The following RMI1 variants were observed in gnomAD, a reference collection of about 807,000 sequenced individuals.
RMI1 encodes the protein recQ-mediated genome instability protein 1.
A neutral mutation model predicts 46.7 loss-of-function variants in RMI1; 36 were observed. That is an observed-to-expected ratio of 0.77 (90% CI 0.59 to 1.02). The LOEUF (loss-of-function observed/expected upper bound fraction) is 1.02, where lower values mean the gene tolerates loss of function less well. Ranked by LOEUF, RMI1 falls within the 50% of genes least tolerant of loss-of-function variation. The probability of loss-of-function intolerance (pLI) is 0.00; values close to 1 mark genes in which losing one functional copy is unlikely to be tolerated. For missense variants in RMI1, 676 were observed against 713.7 expected, an observed-to-expected ratio of 0.95 and a Z score of 0.60; for synonymous variants, 250 against 252.9, an observed-to-expected ratio of 0.99 and a Z score of 0.11.
intron 1 of RMI1, among the ~76,000 whole-genome samples, chr9:83,994,557 G>A (rs1449463930): frequency 2.0e-5 from 3 of 152,114 alleles, no homozygotes; most frequent in Non-Finnish European, 4.4e-5. Context: ...AGAGAGTATC[G>A]TTTTTCCATT....
chr9:83,997,669 A>G (rs988123059), intron 1 of RMI1, among the ~76,000 whole-genome samples: 11 of 152,178 alleles, frequency 7.2e-5, no homozygotes, highest in African/African-American at 2.6e-4. Flanking sequence ...AGCAGCACTG[A>G]GGGGGAAATC....
At chr9:83,999,203 TAAC>T (rs1249082558) in intron 1 of RMI1, among the ~76,000 whole-genome samples, 14 of 150,158 alleles carry the variant, frequency 9.3e-5, no homozygotes, top group Non-Finnish European at 1.5e-4. Context: ...AAAAATAAAA[TAAC>T]AATAAGTATA....
In RMI1 at chr9:84,003,008, ATGTT is replaced by A; in HGVS notation, c.*149_*152del. ...CAGTTTAATTTTAAAGTGTTTAATC[ATGTT>A]TGTTATATGTGGAGCTTTTGAAAAT... On this transcript the variant is annotated 3_prime_UTR_variant, in exon 3 of 3. Transcript: ENST00000445877. 3 of 552,776 alleles carry A rather than the reference ATGTT, an allele frequency of 5.4e-6. No individual in the cohort carries two copies. Among genetic ancestry groups the A allele is most frequent in the South Asian group, 3.4e-5 (1 of 29,166 alleles). 34.2% of individuals were successfully genotyped at this position (552,776 alleles called of 1,614,324 possible).
intron 1 of RMI1, among the ~76,000 whole-genome samples, chr9:83,992,284 A>G (rs1957586282): frequency 6.6e-6 from 1 of 152,204 alleles, no homozygotes; most frequent in Non-Finnish European, 1.5e-5. Flanking sequence ...CTCATTTAAT[A>G]TATATCATTG....
At chr9:83,993,525 A>T (rs1957603995) in intron 1 of RMI1, among the ~76,000 whole-genome samples, 1 of 152,178 alleles carries the variant, frequency 6.6e-6, no homozygotes, top group Non-Finnish European at 1.5e-5. Flanking sequence ...ATAATGTGGT[A>T]GTTCTAGTTT....
chr9:83,996,201 T>A (rs1957650580), intron 1 of RMI1, among the ~76,000 whole-genome samples: 1 of 152,214 alleles, frequency 6.6e-6, no homozygotes, highest in African/African-American at 2.4e-5. Flanking sequence ...ATTAGGAATT[T>A]GGGTTTTTAC....
rs931255955 is a variant in RMI1, at chr9:84,001,747, A to G, written c.761A>G (p.Asn254Ser). ...DEELLASLDENDELTANNDTS... is the reference protein window; with the variant it reads ...DEELLASLDESDELTANNDTS... ...GAACTCTTGGCAAGTCTTGATGAAAATGATGAGCTTACAGCAAATAATGAC... is the reference window on the plus strand; with the variant it reads ...GAACTCTTGGCAAGTCTTGATGAAAGTGATGAGCTTACAGCAAATAATGAC... The change falls in exon 3 of 3, where the codon AAT becomes AGT. Residue 254 changes from asparagine (N) to serine (S), a missense_variant. Transcript: ENST00000445877. The G allele has an allele frequency of 2.5e-6, 4 of 1,613,894 alleles. No individual in the cohort carries two copies. The African/African-American group carries it at 5.3e-5, about 22-fold the overall frequency.
At chr9:83,989,572 C>G (rs1410517362) in intron 1 of RMI1, among the ~76,000 whole-genome samples, 2 of 149,588 alleles carry the variant, frequency 1.3e-5, no homozygotes, top group Admixed American at 1.4e-4. Flanking sequence ...CCAACAGGTA[C>G]ATGAAAAAAT....
rs1957742071 is a variant in RMI1 at position 84,001,864 on chromosome 9, C to G, written c.878C>G (p.Pro293Arg). The change falls in exon 3 of 3, where the codon CCA (proline) becomes CGA (arginine). Residue 293 changes from proline (P) to arginine (R), a missense_variant. Pro to Arg is a moderately radical substitution (Grantham distance 103). Transcript: ENST00000445877. ...TTTGAGCCAGAATTTGTTATTTCTC[C>G]AAGACCAAAAGAGGAACCATCAAAC... ...SSFEPEFVIS[P>R]RPKEEPSNLS... is the part of the protein sequence containing the mutation. 6.2e-7 allele frequency: 1 copy of G among 1,613,978 alleles called. No homozygotes were observed. The highest frequency in any genetic ancestry group is 8.5e-7 in the Non-Finnish European group (1 of 1,179,958).
At chr9:83,981,983 T>C (rs1957412840) in intron 1 of RMI1, among the ~76,000 whole-genome samples, 1 of 152,244 alleles carries the variant, frequency 6.6e-6, no homozygotes, top group South Asian at 2.1e-4. Context: ...TTGTGGAATT[T>C]ATAAAAGTTC....
At chr9:83,982,386 G>T (rs1433267974) in intron 1 of RMI1, among the ~76,000 whole-genome samples, 2 of 152,068 alleles carry the variant, frequency 1.3e-5, no homozygotes, top group African/African-American at 4.8e-5. Context: ...TCTTCCGGCC[G>T]GGCACGGTGG....
chr9:83,996,022 A>G (rs1218113176), intron 1 of RMI1, among the ~76,000 whole-genome samples: 4 of 151,974 alleles, frequency 2.6e-5, no homozygotes, highest in Non-Finnish European at 5.9e-5. Context: ...TGTAAATTCT[A>G]TTTGCTCTGT....
intron 1 of RMI1, among the ~76,000 whole-genome samples, chr9:83,988,496 GT>G (rs1417183852): frequency 6.6e-6 from 1 of 152,072 alleles, no homozygotes; most frequent in Non-Finnish European, 1.5e-5. Context: ...TAGAGACAGA[GT>G]TTTGCTGTGT....
Position 84,000,940 on chromosome 9 carries a change from T to C in RMI1, c.-36-11T>C. On this transcript the variant is annotated splice_polypyrimidine_tract_variant and intron_variant, in intron 2 of 2. Transcript: ENST00000445877. ...CTGAATTATCTAAATTTTTTTGTTTTTTGTTTTCAGGTAATAGATGCATAT... is the reference window on the plus strand; with the variant it reads ...CTGAATTATCTAAATTTTTTTGTTTCTTGTTTTCAGGTAATAGATGCATAT... 1 of 1,460,666 alleles carries C rather than the reference T, an allele frequency of 6.8e-7. No homozygotes were observed. The highest frequency in any genetic ancestry group is 9.2e-7 in the Non-Finnish European group (1 of 1,084,740). The allele number at this position is 1,460,666 out of a possible 1,614,324, so 90.5% of individuals were successfully genotyped here.
At chr9:83,997,670 G>T (rs913890361) in intron 1 of RMI1, among the ~76,000 whole-genome samples, 1 of 152,036 alleles carries the variant, frequency 6.6e-6, no homozygotes, top group Non-Finnish European at 1.5e-5. Flanking sequence ...GCAGCACTGA[G>T]GGGGAAATCC....
intron 1 of RMI1, among the ~76,000 whole-genome samples, chr9:83,986,010 A>T (rs1035609320): frequency 6.6e-6 from 1 of 152,238 alleles, no homozygotes; most frequent in African/African-American, 2.4e-5. Context: ...CTCCAAAAAA[A>T]ACCCACCAAA....
At chr9:83,988,519 G>T (rs540467721) in intron 1 of RMI1, among the ~76,000 whole-genome samples, 12 of 152,228 alleles carry the variant, frequency 7.9e-5, no homozygotes, top group African/African-American at 2.9e-4. Flanking sequence ...GCTCAGGCAG[G>T]TATTGAACTC....
chr9:83,986,876 A>G (rs1316630309), intron 1 of RMI1, among the ~76,000 whole-genome samples: 1 of 152,208 alleles, frequency 6.6e-6, no homozygotes, highest in African/African-American at 2.4e-5. Context: ...AGTCAACTGA[A>G]AGTACACTTT....
At chr9:83,993,163 C>T (rs897326464) in intron 1 of RMI1, 1 of 152,190 alleles carries the variant, frequency 6.6e-6, no homozygotes, top group African/African-American at 2.4e-5. Context: ...TTTCTCCCTC[C>T]CCACAACACT....
Sources: gnomAD v4.1 joint callset for allele counts (sites outside exome capture counted in the v4.1 genomes callset) on GRCh38, gnomAD v4.1.1 for gene constraint, MANE v1.5 for transcripts, NCBI Gene and HGNC (gene_info 2026-07-23, HGNC 2026-07-21) for gene names.